Variants in PDE1C observed in about 807,000 individuals in gnomAD.
PDE1C encodes the protein phosphodiesterase 1C.
In PDE1C, 62 loss-of-function variants were observed where a neutral mutation model predicts 93.1. The ratio of observed to expected loss-of-function variants is 0.67; its 90% CI spans 0.54 to 0.82. PDE1C has a LOEUF of 0.82. Among genes scored for constraint, PDE1C ranks in the 40% least tolerant of loss-of-function variants. The pLI, the probability that PDE1C is intolerant of heterozygous loss-of-function variation, is 0.00. For synonymous variants in PDE1C, 325 were observed against 310.1 expected (o/e 1.05, Z -0.50); for missense variants, 742 against 884.6 (o/e 0.84, Z 2.04).
intron 9 of PDE1C, among the ~76,000 whole-genome samples, chr7:31,841,172 C>T (rs892996453): frequency 6.7e-6 from 1 of 150,130 alleles, no homozygotes; most frequent in African/African-American, 2.5e-5. Context: ...ATTTTATTTT[C>T]CAATGGTTTG....
chr7:32,205,654 C>G (rs12701189), intron 2 of PDE1C, among the ~76,000 whole-genome samples: 3 of 151,804 alleles, frequency 2.0e-5, no homozygotes, highest in Non-Finnish European at 2.9e-5. Context: ...AGCTTTGTTC[C>G]TTCCCCCTTT....
Position 31,837,291 on chromosome 7 carries a change from C to T in PDE1C, c.1092G>A (p.Lys364=). ...GCAGCATAAGGGATAAGGCTTTTGG[C>T]TTTTCAATGCTGTAAACCAAAAGCA... is the stretch of plus-strand genomic sequence containing the variant. ...TALQQPEAIE[K]PKALSLMLHT... is the part of the protein sequence containing the mutation. The change falls in exon 11 of 18, where the codon AAG becomes AAA. Residue 364 remains lysine (K), a synonymous_variant. Transcript: ENST00000396191. 6.2e-7 allele frequency: 1 copy of T among 1,609,086 alleles called. No individual in the cohort carries two copies. Among genetic ancestry groups the T allele is most frequent in the Non-Finnish European group, 8.5e-7 (1 of 1,177,232 alleles).
intron 16 of PDE1C, among the ~76,000 whole-genome samples, chr7:31,800,412 C>T (rs139632798): frequency 1.3e-5 from 2 of 151,422 alleles, no homozygotes; most frequent in Non-Finnish European, 3.0e-5. Context: ...TTTGAGATGT[C>T]GCTTGTATGT....
intron 9 of PDE1C, among the ~76,000 whole-genome samples, chr7:31,841,225 C>CTT (rs1245444243): frequency 1.1e-5 from 1 of 89,608 alleles, no homozygotes; most frequent in African/African-American, 5.0e-5. Flanking sequence ...CTCTCTCTCT[C>CTT]TCTATATATA....
intron 1 of PDE1C, among the ~76,000 whole-genome samples, chr7:32,274,396 A>G (rs1198120422): frequency 6.8e-6 from 1 of 148,092 alleles, no homozygotes; most frequent in South Asian, 2.1e-4. Context: ...TTCTTAAGAA[A>G]TAGGTTCTCC....
intron 3 of PDE1C, among the ~76,000 whole-genome samples, chr7:32,114,693 G>A (rs1031165847): frequency 3.9e-5 from 6 of 152,078 alleles, no homozygotes; most frequent in African/African-American, 9.7e-5. Flanking sequence ...CAGAATGGGC[G>A]AAAATTTTTG....
intron 1 of PDE1C, among the ~76,000 whole-genome samples, chr7:32,402,630 C>T (rs1177796173): frequency 6.6e-6 from 1 of 152,182 alleles, no homozygotes; most frequent in Non-Finnish European, 1.5e-5. Flanking sequence ...CTTACAGGCA[C>T]ACCCAGAAAT....
At chr7:31,996,912 A>G (rs898230698) in intron 2 of PDE1C, among the ~76,000 whole-genome samples, 2 of 152,216 alleles carry the variant, frequency 1.3e-5, no homozygotes, top group Non-Finnish European at 2.9e-5. Flanking sequence ...AATTACTGCA[A>G]TTGAGCACTC....
intron 1 of PDE1C, among the ~76,000 whole-genome samples, chr7:32,349,588 T>C (rs1046636503): frequency 6.6e-6 from 1 of 152,208 alleles, no homozygotes; most frequent in African/African-American, 2.4e-5. Context: ...TATTAAGTAA[T>C]GCATTTGTCA....
At chr7:31,815,481 A>G (rs1788117654) in intron 15 of PDE1C, among the ~76,000 whole-genome samples, 1 of 152,196 alleles carries the variant, frequency 6.6e-6, no homozygotes, top group Non-Finnish European at 1.5e-5. Context: ...TGGTCCCCCT[A>G]AAGTACACAC....
At chr7:32,297,383 T>C (rs1393464244) in intron 1 of PDE1C, among the ~76,000 whole-genome samples, 1 of 152,108 alleles carries the variant, frequency 6.6e-6, no homozygotes, top group Non-Finnish European at 1.5e-5. Flanking sequence ...ACCACAGTAC[T>C]TTTGGAAGTA....
chr7:32,169,127 T>C (rs1802485525), intron 3 of PDE1C, among the ~76,000 whole-genome samples: 1 of 152,080 alleles, frequency 6.6e-6, no homozygotes, highest in Non-Finnish European at 1.5e-5. Flanking sequence ...GAAAGACCCA[T>C]TTGGGGAAAA....
At chr7:32,133,889 C>T (rs897461051) in intron 3 of PDE1C, among the ~76,000 whole-genome samples, 11 of 151,798 alleles carry the variant, frequency 7.2e-5, no homozygotes, top group Admixed American at 3.9e-4. Context: ...GGAAAACATG[C>T]TCACAATGAA....
chr7:31,977,998 C>T (rs1225845943), intron 2 of PDE1C, among the ~76,000 whole-genome samples: 1 of 152,172 alleles, frequency 6.6e-6, no homozygotes, highest in Admixed American at 6.5e-5. Flanking sequence ...ATCATCCTCA[C>T]TTTAAGATGA....
rs74801170 is a variant in PDE1C, at chr7:32,260,566, G to C, written c.85+38085C>G. 6.0e-3 allele frequency among the ~76,000 whole-genome samples: 916 copies of C among 152,184 alleles called. 7 individuals are homozygous for C. The highest frequency in any genetic ancestry group is 0.021 in the African/African-American group (860 of 41,532). ...TCTGTGGAGCGATCTCGCCTTCCTCGCCCCTGTGGTGAAACCAACTTTGCA... is the reference window on the plus strand; with the variant it reads ...TCTGTGGAGCGATCTCGCCTTCCTCCCCCCTGTGGTGAAACCAACTTTGCA... On this transcript the variant is annotated intron_variant, in intron 1 of 18. Coordinates refer to the PDE1C transcript ENST00000396193.
intron 2 of PDE1C, among the ~76,000 whole-genome samples, chr7:31,899,011 T>C (rs949126369): frequency 4.6e-5 from 7 of 152,096 alleles, no homozygotes; most frequent in Non-Finnish European, 7.4e-5. Context: ...AGAAGTTACC[T>C]GCTCCCCTCC....
chr7:32,329,002 C>T (rs567835615), intron 1 of PDE1C, among the ~76,000 whole-genome samples: 2 of 152,152 alleles, frequency 1.3e-5, no homozygotes, highest in South Asian at 4.1e-4. Context: ...GAGGCCAAGG[C>T]AGGAGCATCA....
chr7:32,246,430 A>G (rs1006406241), intron 1 of PDE1C, among the ~76,000 whole-genome samples: 1 of 135,682 alleles, frequency 7.4e-6, no homozygotes, highest in African/African-American at 2.9e-5. Flanking sequence ...CCAACTAGGT[A>G]ATTTCAAGAA....
chr7:31,686,547 G>C, the PDE1C span, among the ~76,000 whole-genome samples: 1 of 152,200 alleles, frequency 6.6e-6, no homozygotes, highest in South Asian at 2.1e-4. Context: ...GTATTGCAAA[G>C]TGGTTACAAG....
Sources: gnomAD v4.1 joint callset for allele counts (sites outside exome capture counted in the v4.1 genomes callset) on GRCh38, gnomAD v4.1.1 for gene constraint, MANE v1.5 for transcripts, NCBI Gene and HGNC (gene_info 2026-07-23, HGNC 2026-07-21) for gene names.